The following FRMD4B variants were observed in gnomAD, a reference collection of about 807,000 sequenced individuals.
FRMD4B encodes FERM domain containing 4B.
In FRMD4B, 74 loss-of-function variants were observed where a neutral mutation model predicts 141.5. That is an observed-to-expected ratio of 0.52 (90% confidence interval 0.43 to 0.63). The LOEUF (loss-of-function observed/expected upper bound fraction) is 0.63. Among genes scored for constraint, FRMD4B ranks in the 30% least tolerant of loss-of-function variants. The probability of loss-of-function intolerance (pLI) is 0.00; values close to 1 mark genes in which losing one functional copy is unlikely to be tolerated. For synonymous variants in FRMD4B, 506 were observed against 467.9 expected (o/e 1.08, Z -1.05); for missense variants, 1,366 against 1,253.4 (o/e 1.09, Z -1.36).
At chr3:69,263,642 G>A (rs1341852316) in intron 5 of FRMD4B, among the ~76,000 whole-genome samples, 2 of 151,298 alleles carry the variant, frequency 1.3e-5, no homozygotes, top group Non-Finnish European at 2.9e-5. Flanking sequence ...GAACTCTTGG[G>A]CTTAAGCAAT....
chr3:69,502,706 T>A (rs1706519562), intron 1 of FRMD4B, among the ~76,000 whole-genome samples: 2 of 151,016 alleles, frequency 1.3e-5, no homozygotes, highest in African/African-American at 4.9e-5. Flanking sequence ...CTAAAGAGCT[T>A]CTGCACAGCA....
At chr3:69,270,500 A>G (rs953724957) in intron 5 of FRMD4B, among the ~76,000 whole-genome samples, 1 of 151,680 alleles carries the variant, frequency 6.6e-6, no homozygotes, top group Non-Finnish European at 1.5e-5. Context: ...TCTTTGCCAT[A>G]TTTCTTTTGA....
intron 11 of FRMD4B, among the ~76,000 whole-genome samples, chr3:69,213,967 C>A (rs530430938): frequency 1.3e-5 from 2 of 152,102 alleles, no homozygotes; most frequent in African/African-American, 4.8e-5. Context: ...CATGAGCCAC[C>A]ACCCTCGGCC....
intron 1 of FRMD4B, among the ~76,000 whole-genome samples, chr3:69,329,236 A>G (rs930804159): frequency 6.6e-6 from 1 of 152,176 alleles, no homozygotes; most frequent in Non-Finnish European, 1.5e-5. Flanking sequence ...CTTTAGTAGG[A>G]CTTACTATTT....
intron 1 of FRMD4B, among the ~76,000 whole-genome samples, chr3:69,438,397 C>T (rs190662082): frequency 8.5e-4 from 129 of 152,116 alleles, no homozygotes; most frequent in African/African-American, 3.0e-3. Flanking sequence ...TGAGCCACTG[C>T]GTCCAGCCTT....
At chr3:69,172,028 T>A (rs1374926127) in intron 22 of FRMD4B, 47 bp from the exon 23 acceptor site, 1 of 1,594,152 alleles carries the variant, frequency 6.3e-7, no homozygotes, top group South Asian at 1.1e-5. Context: ...CATATTTTTG[T>A]CCCCACAGCA....
At chr3:69,438,786 T>C (rs1399364114) in intron 1 of FRMD4B, among the ~76,000 whole-genome samples, 2 of 152,104 alleles carry the variant, frequency 1.3e-5, no homozygotes, top group African/African-American at 2.4e-5. Context: ...CTTCCACTCA[T>C]CCCCATTCAC....
intron 1 of FRMD4B, among the ~76,000 whole-genome samples, chr3:69,525,176 A>T (rs149315503): frequency 5.7e-4 from 87 of 151,942 alleles, no homozygotes; most frequent in African/African-American, 2.0e-3. Context: ...AATAAAACAA[A>T]AGTTCTTGCT....
intron 1 of FRMD4B, among the ~76,000 whole-genome samples, chr3:69,524,236 A>G (rs1263047673): frequency 6.6e-6 from 1 of 152,226 alleles, no homozygotes; most frequent in Non-Finnish European, 1.5e-5. Flanking sequence ...ATTGTTGACC[A>G]TGTGCCAATC....
intron 1 of FRMD4B, among the ~76,000 whole-genome samples, chr3:69,487,336 G>A (rs780735538): frequency 2.6e-5 from 4 of 152,176 alleles, no homozygotes; most frequent in Admixed American, 1.3e-4. Flanking sequence ...GAGATAAGGC[G>A]TGTAAAGCAA....
rs190714026 is a variant in FRMD4B at position 69,319,895 on chromosome 3, T to C, written c.163-6378A>G. Among the ~76,000 whole-genome samples, 79 of 152,018 alleles carry C rather than the reference T, an allele frequency of 5.2e-4. 1 individual carries two copies. The highest frequency in any genetic ancestry group is 6.8e-3 in the Middle Eastern group (2 of 294). On this transcript the variant is annotated intron_variant, in intron 1 of 22. Transcript: ENST00000398540. ...GCCCATTTTCGATGGATCAGATGAG[T>C]GGGTAGAAAAACAAAAACAAAGAAT...
intron 4 of FRMD4B, among the ~76,000 whole-genome samples, chr3:69,301,512 T>C (rs906074187): frequency 6.6e-6 from 1 of 151,966 alleles, no homozygotes; most frequent in African/African-American, 2.4e-5. Flanking sequence ...GTATTTTTAG[T>C]AGAGATGAGG....
At chr3:69,403,445 G>A (rs372144558) in intron 2 of FRMD4B, among the ~76,000 whole-genome samples, 1 of 152,112 alleles carries the variant, frequency 6.6e-6, no homozygotes, top group Non-Finnish European at 1.5e-5. Context: ...TTGTAACAGA[G>A]GCCTTCTGCT....
intron 1 of FRMD4B, among the ~76,000 whole-genome samples, chr3:69,318,145 T>C (rs1701867595): frequency 6.6e-6 from 1 of 152,114 alleles, no homozygotes; most frequent in Non-Finnish European, 1.5e-5. Context: ...CTAATTTTTA[T>C]ATATTTTTTT....
chr3:69,222,467 C>CA (rs11293743), intron 8 of FRMD4B, among the ~76,000 whole-genome samples: 62,704 of 94,948 alleles, frequency 0.66, 21,260 homozygotes, highest in Non-Finnish European at 0.74. Flanking sequence ...AAATCCATCT[C>CA]AAAAAAAAAA....
At chr3:69,504,321 G>A (rs1219645275) in intron 1 of FRMD4B, among the ~76,000 whole-genome samples, 1 of 152,018 alleles carries the variant, frequency 6.6e-6, no homozygotes, top group African/African-American at 2.4e-5. Flanking sequence ...GCTTCATTGG[G>A]ATATACTTTA....
chr3:69,470,964 C>T (rs1209203960), intron 1 of FRMD4B, among the ~76,000 whole-genome samples: 1 of 152,212 alleles, frequency 6.6e-6, no homozygotes, highest in Non-Finnish European at 1.5e-5. Context: ...TTAACTGCAT[C>T]AGAAATACTG....
At chr3:69,348,190 G>T (rs1703012720) in intron 1 of FRMD4B, among the ~76,000 whole-genome samples, 1 of 152,162 alleles carries the variant, frequency 6.6e-6, no homozygotes, top group South Asian at 2.1e-4. Flanking sequence ...TACCATCAGA[G>T]AATACTATAA....
intron 1 of FRMD4B, among the ~76,000 whole-genome samples, chr3:69,362,488 A>G (rs1325235414): frequency 6.6e-6 from 1 of 152,088 alleles, no homozygotes; most frequent in African/African-American, 2.4e-5. Context: ...GACCAGCCTG[A>G]CCAACATGGT....
Sources: allele counts gnomAD v4.1 joint callset (sites outside exome capture counted in the v4.1 genomes callset), GRCh38; gene constraint gnomAD v4.1.1; transcripts MANE v1.5; gene names NCBI Gene and HGNC (gene_info 2026-07-23, HGNC 2026-07-21).